Variants in SPATA22 observed in about 807,000 individuals in gnomAD.
SPATA22 encodes spermatogenesis associated 22.
Under a neutral mutation model 47.8 loss-of-function variants are expected in SPATA22, and 29 were observed. That is an observed-to-expected ratio of 0.61 (90% confidence interval 0.45 to 0.83). The LOEUF is 0.83. Ranked by LOEUF, SPATA22 falls within the 40% of genes least tolerant of loss-of-function variation. The pLI, the probability that SPATA22 is intolerant of heterozygous loss-of-function variation, is 0.00. For missense variants in SPATA22, 410 were observed against 421.7 expected (o/e 0.97, Z 0.24); for synonymous variants, 133 against 140.9 (o/e 0.94, Z 0.40).
chr17:3,471,253 A>G (rs2073428076), intron 1 of SPATA22, among the ~76,000 whole-genome samples: 1 of 152,230 alleles, frequency 6.6e-6, no homozygotes, highest in Non-Finnish European at 1.5e-5. Context: ...CCTAGGAGCC[A>G]CAACAGGGAT....
rs73311007 is a variant in SPATA22, at chr17:3,489,169, A to G, written c.-73-19771T>C. On this transcript the variant is annotated intron_variant, in intron 1 of 8. Transcript: ENST00000541913. Reference sequence around the variant, plus strand: ...ATAATTCTAAATCTTGATACATTAAAATGCTTAGTTTTATAATATATTTTC... The same window carrying G: ...ATAATTCTAAATCTTGATACATTAAGATGCTTAGTTTTATAATATATTTTC... The G allele has an allele frequency of 2.7e-3, 2,641 of 971,126 alleles. 45 individuals are homozygous for G. The African/African-American group carries it at 0.038, about 14-fold the overall frequency. The allele number at this position is 971,126 out of a possible 1,614,324, so 60.2% of individuals were successfully genotyped here. A position where few individuals can be genotyped will look rare whatever the true frequency, so the allele number is the denominator to read the frequency against.
intron 8 of SPATA22, among the ~76,000 whole-genome samples, chr17:3,442,701 G>A (rs1050606363): frequency 1.3e-5 from 2 of 151,852 alleles, no homozygotes; most frequent in African/African-American, 4.8e-5. Context: ...TGCATATGCT[G>A]CTCCCTCACC....
At chr17:3,471,022 G>GT (rs937931165) in intron 1 of SPATA22, among the ~76,000 whole-genome samples, 3 of 151,954 alleles carry the variant, frequency 2.0e-5, no homozygotes, top group African/African-American at 7.2e-5. Context: ...GGGCATGGTG[G>GT]TGCGTGCCTG....
chr17:3,453,249 T>C (rs2072905212), intron 5 of SPATA22, among the ~76,000 whole-genome samples: 1 of 152,208 alleles, frequency 6.6e-6, no homozygotes, highest in Non-Finnish European at 1.5e-5. Context: ...TATTCCCATG[T>C]AAACAAATCT....
chr17:3,466,991 C>G (rs974758710), intron 3 of SPATA22, among the ~76,000 whole-genome samples: 4 of 152,182 alleles, frequency 2.6e-5, no homozygotes, highest in African/African-American at 9.7e-5. Flanking sequence ...GGCCAGGCAC[C>G]AGATACTTCC....
chr17:3,487,052 G>T (rs1234391991), intron 1 of SPATA22, among the ~76,000 whole-genome samples: 1 of 142,788 alleles, frequency 7.0e-6, no homozygotes, highest in Non-Finnish European at 1.5e-5. Context: ...GTGTGTGTGT[G>T]TGTGTTTATG....
At chr17:3,483,967 T>C (rs531995166) in intron 1 of SPATA22, among the ~76,000 whole-genome samples, 27 of 152,270 alleles carry the variant, frequency 1.8e-4, no homozygotes, top group African/African-American at 5.1e-4. Flanking sequence ...AGAAAATTAT[T>C]TTTAAAAAAA....
At chr17:3,480,651 T>G (rs1597428628) in intron 1 of SPATA22, among the ~76,000 whole-genome samples, 2 of 152,350 alleles carry the variant, frequency 1.3e-5, no homozygotes, top group African/African-American at 4.8e-5. Context: ...GCATGACTCC[T>G]AAACCATAAT....
intron 1 of SPATA22, chr17:3,489,419 T>C (rs2073783979): frequency 7.9e-7 from 1 of 1,259,022 alleles, no homozygotes; most frequent in Non-Finnish European, 1.2e-6. Context: ...GGGTCAGATT[T>C]GCCATGCTAA....
At chr17:3,494,118 C>A (rs2073871204) in intron 1 of SPATA22, among the ~76,000 whole-genome samples, 2 of 151,490 alleles carry the variant, frequency 1.3e-5, no homozygotes. Context: ...CTCCACCTCC[C>A]AGGTTCAAGA....
At chr17:3,472,244 A>T (rs2073452999), upstream of SPATA22, 1 of 152,322 alleles carries the variant, frequency 6.6e-6, no homozygotes, top group Non-Finnish European at 1.5e-5. Flanking sequence ...AGTCCCCGGG[A>T]GGCTGGGGAC....
intron 2 of SPATA22, among the ~76,000 whole-genome samples, chr17:3,468,045 C>G (rs1162411412): frequency 6.6e-6 from 1 of 152,180 alleles, no homozygotes; most frequent in East Asian, 1.9e-4. Context: ...TTCCTAGACT[C>G]CACTCTCATA....
chr17:3,453,922 G>T (rs11651737), intron 5 of SPATA22, among the ~76,000 whole-genome samples: 2 of 151,892 alleles, frequency 1.3e-5, no homozygotes, highest in African/African-American at 2.4e-5. Context: ...AAATTGGAAA[G>T]GATGAAGTAA....
chr17:3,499,016 A>G, intron 1 of SPATA22: 4 of 1,614,136 alleles, frequency 2.5e-6, no homozygotes, highest in Non-Finnish European at 3.4e-6. Flanking sequence ...CATATTACGA[A>G]AAGAAAGAAG....
intron 1 of SPATA22, among the ~76,000 whole-genome samples, chr17:3,481,271 C>T (rs2073622776): frequency 6.6e-6 from 1 of 152,150 alleles, no homozygotes; most frequent in South Asian, 2.1e-4. Flanking sequence ...ACCATAACTA[C>T]TAAGAAACTG....
intron 5 of SPATA22, among the ~76,000 whole-genome samples, chr17:3,452,249 A>G (rs577572968): frequency 6.6e-6 from 1 of 151,606 alleles, no homozygotes; most frequent in African/African-American, 2.4e-5. Flanking sequence ...TATAAAGGCA[A>G]TAATAAGACT....
At chr17:3,483,436 T>C in intron 1 of SPATA22, 2 of 1,418,170 alleles carry the variant, frequency 1.4e-6, no homozygotes, top group Non-Finnish European at 2.0e-6. Flanking sequence ...ATTGACTCTG[T>C]TGAAGCAAAG....
chr17:3,445,261 T>TG (rs2072701877), intron 7 of SPATA22, among the ~76,000 whole-genome samples: 1 of 152,108 alleles, frequency 6.6e-6, no homozygotes, highest in African/African-American at 2.4e-5. Context: ...CATCTGCTAT[T>TG]GCAGTTACGT....
At chr17:3,465,076 G>C (rs1416022430) in intron 3 of SPATA22, among the ~76,000 whole-genome samples, 1 of 102,690 alleles carries the variant, frequency 9.7e-6, no homozygotes, top group East Asian at 2.7e-4. Context: ...TGGGGGGTCA[G>C]CCCCTCCACC....
Sources: allele counts gnomAD v4.1 joint callset (sites outside exome capture counted in the v4.1 genomes callset), GRCh38; gene constraint gnomAD v4.1.1; transcripts MANE v1.5; gene names NCBI Gene and HGNC (gene_info 2026-07-23, HGNC 2026-07-21).